ME3: variants seen among roughly 807,000 people sequenced by gnomAD.
ME3 encodes the protein NADP-dependent malic enzyme, mitochondrial.
A neutral mutation model predicts 68.9 loss-of-function variants in ME3; 48 were observed. That is an observed-to-expected ratio of 0.70 (90% CI 0.55 to 0.89). The LOEUF (loss-of-function observed/expected upper bound fraction) is 0.89. Ranked by LOEUF, ME3 falls within the 40% of genes least tolerant of loss-of-function variation. ME3 has a pLI of 0.00. For synonymous variants in ME3, 320 were observed against 318.8 expected, an observed-to-expected ratio of 1.00 and a Z score of -0.04; for missense variants, 675 against 797.4, an observed-to-expected ratio of 0.85 and a Z score of 1.85.
intron 2 of ME3, among the ~76,000 whole-genome samples, chr11:86,586,515 A>G (rs1958742720): frequency 6.6e-6 from 1 of 152,168 alleles, no homozygotes. Context: ...AGGGTGTTGG[A>G]GAAGCCAACA....
At chr11:86,545,198 C>A (rs1956291203) in intron 4 of ME3, among the ~76,000 whole-genome samples, 1 of 152,092 alleles carries the variant, frequency 6.6e-6, no homozygotes, top group African/African-American at 2.4e-5. Flanking sequence ...TATGACAAAC[C>A]CACAGCCAGT....
chr11:86,575,253 C>A (rs1305712515), intron 2 of ME3, among the ~76,000 whole-genome samples: 1 of 147,266 alleles, frequency 6.8e-6, no homozygotes, highest in Non-Finnish European at 1.5e-5. Context: ...TTGCTGTCAC[C>A]TCCACCCCAC....
intron 2 of ME3, among the ~76,000 whole-genome samples, chr11:86,594,659 C>A (rs1272223544): frequency 6.9e-6 from 1 of 145,934 alleles, no homozygotes; most frequent in Non-Finnish European, 1.5e-5. Context: ...GCACCACTGA[C>A]ACAGCAAGAC....
intron 2 of ME3, among the ~76,000 whole-genome samples, chr11:86,590,308 G>A (rs890005554): frequency 1.3e-5 from 2 of 152,198 alleles, no homozygotes; most frequent in Admixed American, 6.5e-5. Flanking sequence ...GAGAAAGAGA[G>A]AGTGCCTTTG....
intron 4 of ME3, among the ~76,000 whole-genome samples, chr11:86,515,788 T>C (rs771653226): frequency 8.5e-5 from 13 of 152,144 alleles, no homozygotes; most frequent in Admixed American, 2.0e-4. Flanking sequence ...TCTTCTCTCC[T>C]TGAGAATGAG....
rs10583492 is a variant in ME3 at position 86,672,590 on chromosome 11, ACT to A, written c.-283_-282del. On this transcript the variant is annotated 5_prime_UTR_variant, in exon 1 of 15. An upstream open reading frame in the 5' UTR loses its in-frame stop. Coordinates refer to ENST00000543262, the Ensembl canonical transcript of ME3. The stretch of plus-strand genomic sequence containing the variant: ...AAGCAGCTCAGAATGCCCGCCTGAG[ACT>A]CTCCATCTTGGCAAGACTAAATGCA... 0.19 allele frequency: 29,163 copies of A among 151,914 alleles called. 3,550 individuals are homozygous for A. Among genetic ancestry groups the A allele is most frequent in the East Asian group, 0.55 (2,835 of 5,124 alleles). 9.4% of individuals were successfully genotyped at this position (151,914 alleles called of 1,614,324 possible).
chr11:86,537,594 G>A (rs79861724), intron 4 of ME3, among the ~76,000 whole-genome samples: 7 of 152,154 alleles, frequency 4.6e-5, no homozygotes, highest in African/African-American at 1.4e-4. Context: ...ACTAGGAAAG[G>A]CAAAGCTGCA....
chr11:86,633,463 T>G (rs1338535523), intron 2 of ME3, among the ~76,000 whole-genome samples: 1 of 152,074 alleles, frequency 6.6e-6, no homozygotes, highest in Non-Finnish European at 1.5e-5. Context: ...CTAGAGCCCG[T>G]GCTGTTAAAT....
chr11:86,609,133 G>A (rs140980894), intron 2 of ME3, among the ~76,000 whole-genome samples: 68 of 152,326 alleles, frequency 4.5e-4, no homozygotes, highest in African/African-American at 1.5e-3. Flanking sequence ...CAGCTGACAT[G>A]TAGTGATGCC....
intron 2 of ME3, among the ~76,000 whole-genome samples, chr11:86,566,270 A>G (rs1957475647): frequency 6.6e-6 from 1 of 152,230 alleles, no homozygotes; most frequent in Admixed American, 6.5e-5. Context: ...CCTTTTATCT[A>G]TACTGAGTCC....
At chr11:86,514,507 T>C (rs1475293575) in intron 4 of ME3, among the ~76,000 whole-genome samples, 1 of 152,202 alleles carries the variant, frequency 6.6e-6, no homozygotes, top group African/African-American at 2.4e-5. Context: ...TTTCCAATCA[T>C]ACAAAGCACT....
chr11:86,669,717 A>G (rs1415014471), intron 2 of ME3, among the ~76,000 whole-genome samples: 1 of 152,180 alleles, frequency 6.6e-6, no homozygotes, highest in African/African-American at 2.4e-5. Flanking sequence ...CAGCCAAACC[A>G]TATCAACAAC....
chr11:86,589,724 A>T (rs1461495302), intron 2 of ME3, among the ~76,000 whole-genome samples: 1 of 152,196 alleles, frequency 6.6e-6, no homozygotes, highest in Non-Finnish European at 1.5e-5. Context: ...GTTTTCTGTG[A>T]TGGGCAAGTA....
intron 2 of ME3, among the ~76,000 whole-genome samples, chr11:86,584,508 T>G (rs191876483): frequency 1.1e-4 from 17 of 152,326 alleles, no homozygotes. Context: ...AAAGAGGTAT[T>G]AGCACTATTC....
intron 8 of ME3, among the ~76,000 whole-genome samples, chr11:86,464,560 G>A (rs1331994519): frequency 6.6e-6 from 1 of 152,200 alleles, no homozygotes; most frequent in Non-Finnish European, 1.5e-5. Flanking sequence ...AGAAGGAATT[G>A]TCCTGACTTC....
intron 2 of ME3, among the ~76,000 whole-genome samples, chr11:86,567,418 A>G (rs1231082818): frequency 6.6e-6 from 1 of 152,232 alleles, no homozygotes. Context: ...TTATCATAAA[A>G]GAGTGCCAGA....
At chr11:86,578,727 T>C (rs1487073030) in intron 2 of ME3, among the ~76,000 whole-genome samples, 1 of 152,202 alleles carries the variant, frequency 6.6e-6, no homozygotes, top group African/African-American at 2.4e-5. Flanking sequence ...CTCTCTGTCT[T>C]GACACCAAGA....
chr11:86,537,286 T>TA (rs200108181), intron 4 of ME3, among the ~76,000 whole-genome samples: 26,488 of 149,342 alleles, frequency 0.18, 2,427 homozygotes, highest in Non-Finnish European at 0.22. Context: ...TAAAGTATAA[T>TA]AAAAAAAAAC....
intron 2 of ME3, among the ~76,000 whole-genome samples, chr11:86,617,045 G>GTTTTTT (rs563738961): frequency 0.056 from 3,135 of 56,296 alleles, 692 homozygotes; most frequent in Middle Eastern, 0.11. Flanking sequence ...CAAGATAGTA[G>GTTTTTT]TTTTTTTTTT....
Sources: allele counts gnomAD v4.1 joint callset (sites outside exome capture counted in the v4.1 genomes callset), GRCh38; gene constraint gnomAD v4.1.1; transcripts MANE v1.5; gene names NCBI Gene and HGNC (gene_info 2026-07-23, HGNC 2026-07-21).